ALMS1: variants seen among roughly 807,000 people sequenced by gnomAD.
The protein encoded by ALMS1 is ALMS1 centrosome and basal body associated protein, also known as centrosome-associated protein ALMS1.
Under a neutral mutation model 352.2 loss-of-function variants are expected in ALMS1, and 271 were observed. The observed-to-expected ratio is 0.77, with a 90% CI of 0.70 to 0.85. The LOEUF (loss-of-function observed/expected upper bound fraction) is 0.85, where lower values mean the gene tolerates loss of function less well. Among genes scored for constraint, ALMS1 ranks in the 40% least tolerant of loss-of-function variants. The pLI is 0.00. For missense variants in ALMS1, 5,445 were observed against 4,870.7 expected (o/e 1.12, Z -3.51); for synonymous variants, 1,865 against 1,761.2 (o/e 1.06, Z -1.48).
chr2:73,400,689 C>T (rs944770654), intron 1 of ALMS1, among the ~76,000 whole-genome samples: 1 of 152,114 alleles, frequency 6.6e-6, no homozygotes, highest in African/African-American at 2.4e-5. Context: ...AGAAATCGTT[C>T]ATTTTATCTA....
rs575367922 is a variant in ALMS1 at position 73,536,349 on chromosome 2, A to C, written c.9907+1400A>C. ...GAGAGATTAACTTAGAGAAAGACTG[A>C]ACAGTGTAGGTGATGGGAGAAGAAA... On this transcript the variant is annotated intron_variant, in intron 12 of 22. Coordinates refer to ENST00000613296, the MANE Select transcript of ALMS1 (RefSeq NM_001378454.1). 8.5e-5 allele frequency among the ~76,000 whole-genome samples: 13 copies of C among 152,300 alleles called. No individual in the cohort carries two copies. The South Asian group carries it at 2.5e-3, about 29-fold the overall frequency.
At chr2:73,607,602 C>G (rs1412333959) in intron 21 of ALMS1, among the ~76,000 whole-genome samples, 3 of 151,954 alleles carry the variant, frequency 2.0e-5, no homozygotes, top group African/African-American at 7.2e-5. Context: ...GTCCTTCTCC[C>G]CATTCCCTTT....
intron 9 of ALMS1, chr2:73,470,599 A>C (rs1046706351): frequency 1.3e-5 from 2 of 151,736 alleles, no homozygotes; most frequent in Non-Finnish European, 2.9e-5. Flanking sequence ...TATGTGATCT[A>C]TCCTGGAGAA....
At position 73,581,988 on chromosome 2, in the gene ALMS1, C is replaced by T. The variant is rs111604471; in HGVS notation, c.11547+8564C>T. On this transcript the variant is annotated intron_variant, in intron 16 of 22. Transcript: ENST00000613296. ...TGATCTCCTGACCTCGTGATCTGTC[C>T]GCCTTGGCCTCCCAAAATGCTGGGA... 2.6e-3 allele frequency among the ~76,000 whole-genome samples: 393 copies of T among 152,192 alleles called. 2 individuals carry two copies. The highest frequency in any genetic ancestry group is 9.0e-3 in the African/African-American group (375 of 41,532).
intron 10 of ALMS1, among the ~76,000 whole-genome samples, 155 bp from the exon 11 acceptor site, chr2:73,519,620 T>C (rs917350907): frequency 6.6e-6 from 1 of 152,222 alleles, no homozygotes; most frequent in Non-Finnish European, 1.5e-5. Context: ...TAAAGGGTAC[T>C]GCTGAAATTT....
intron 16 of ALMS1, among the ~76,000 whole-genome samples, chr2:73,599,061 C>T (rs1298879477): frequency 6.6e-6 from 1 of 152,194 alleles, no homozygotes. Flanking sequence ...CTCTTTATCT[C>T]ACATGAAAAT....
At chr2:73,552,394 C>CCAT (rs1674458032) in intron 13 of ALMS1, among the ~76,000 whole-genome samples, 1 of 152,180 alleles carries the variant, frequency 6.6e-6, no homozygotes, top group South Asian at 2.1e-4. Flanking sequence ...TTTCCACTAT[C>CCAT]CATATGCTAG....
At chr2:73,447,587 C>G (rs1558647215) in intron 7 of ALMS1, among the ~76,000 whole-genome samples, 1 of 152,048 alleles carries the variant, frequency 6.6e-6, no homozygotes, top group Non-Finnish European at 1.5e-5. Flanking sequence ...GACTGAAGAC[C>G]TTATGTCTTC....
intron 16 of ALMS1, among the ~76,000 whole-genome samples, chr2:73,591,661 C>T (rs1031932830): frequency 4.6e-5 from 7 of 152,054 alleles, no homozygotes; most frequent in African/African-American, 1.7e-4. Flanking sequence ...ATGGATCTGA[C>T]CCCATGAGGA....
chr2:73,409,253 G>A (rs1483450028), intron 2 of ALMS1, among the ~76,000 whole-genome samples: 1 of 151,998 alleles, frequency 6.6e-6, no homozygotes, highest in East Asian at 1.9e-4. Context: ...TTGAAGGCGG[G>A]TCTCAGGACT....
chr2:73,576,015 C>G (rs769272844), intron 16 of ALMS1, among the ~76,000 whole-genome samples: 1 of 152,092 alleles, frequency 6.6e-6, no homozygotes, highest in Non-Finnish European at 1.5e-5. Flanking sequence ...AGATAAGGGT[C>G]CACCTTCATT....
chr2:73,551,711 C>CA (rs1674438689), intron 13 of ALMS1, among the ~76,000 whole-genome samples: 1 of 152,108 alleles, frequency 6.6e-6, no homozygotes, highest in Non-Finnish European at 1.5e-5. Flanking sequence ...GCTGGGATTA[C>CA]AGGCATGAGC....
intron 1 of ALMS1, among the ~76,000 whole-genome samples, chr2:73,387,408 C>T (rs768563847): frequency 2.2e-4 from 34 of 152,156 alleles, no homozygotes; most frequent in Non-Finnish European, 3.2e-4. Flanking sequence ...GTAAGATAAT[C>T]TGGCCTTGTC....
Position 73,490,449 on chromosome 2 carries a change from T to C in ALMS1, c.8490T>C (p.Cys2830=), listed in dbSNP as rs745337805. Residue 2830 remains cysteine, a synonymous_variant, in exon 10 of 23, where the codon TGT becomes TGC. Transcript: ENST00000613296. ...SHSEPSTRAN[C]SNFKEIQISD... is the part of the protein sequence containing the mutation. ...CTGAGCCCAGTACCAGGGCAAATTG[T>C]AGCAATTTCAAGGAAATTCAGATTT... 6.2e-7 allele frequency: 1 copy of C among 1,614,168 alleles called. No individual in the cohort carries two copies. The highest frequency in any genetic ancestry group is 1.1e-5 in the South Asian group (1 of 91,076).
At chr2:73,543,014 C>T (rs541481104) in intron 12 of ALMS1, among the ~76,000 whole-genome samples, 1 of 152,240 alleles carries the variant, frequency 6.6e-6, no homozygotes, top group African/African-American at 2.4e-5. Context: ...GAAAAAACGA[C>T]TTTTAAAGTT....
intron 3 of ALMS1, among the ~76,000 whole-genome samples, chr2:73,419,546 A>C (rs1207270896): frequency 6.6e-6 from 1 of 152,182 alleles, no homozygotes; most frequent in Non-Finnish European, 1.5e-5. Context: ...CGTTGCTCAC[A>C]GAAGGCAGAA....
intron 11 of ALMS1, among the ~76,000 whole-genome samples, chr2:73,530,820 C>T (rs1307437831): frequency 6.6e-6 from 1 of 152,246 alleles, no homozygotes; most frequent in Non-Finnish European, 1.5e-5. Context: ...GTAGGCCCAA[C>T]ACCACGTGAA....
chr2:73,451,187 C>T lies in ALMS1; in HGVS notation c.4660C>T (p.Pro1554Ser). Reference protein sequence around the residue: ...PEEALRVSSAPGPADQTTGIP... With the variant: ...PEEALRVSSASGPADQTTGIP... The stretch of plus-strand genomic sequence containing the variant: ...AGAGGCTCTCAGAGTTTCTTCTGCT[C>T]CTGGACCAGCTGACCAGACAACTGG... The change falls in exon 8 of 23, where the codon CCT becomes TCT. Residue 1554 changes from proline (P) to serine (S), a missense_variant. Coordinates refer to ENST00000613296, the MANE Select transcript of ALMS1 (RefSeq NM_001378454.1). 6.2e-7 allele frequency: 1 copy of T among 1,613,990 alleles called. No individual in the cohort carries two copies. The highest frequency in any genetic ancestry group is 8.5e-7 in the Non-Finnish European group (1 of 1,179,978).
chr2:73,602,098 G>A lies in ALMS1; in HGVS notation c.12115-87G>A, dbSNP rs895792442. ...TGAATCAGACTTCCCCAAACCTCTT[G>A]GGCAGGTGGTGTGTCTCCAGGCATA... is the stretch of plus-strand genomic sequence containing the variant. On this transcript the variant is annotated intron_variant, in intron 19 of 22. Transcript: ENST00000613296. 3.7e-6 allele frequency: 5 copies of A among 1,356,726 alleles called. No homozygotes were observed. The African/African-American group carries it at 5.8e-5, about 16-fold the overall frequency. 84.0% of individuals were successfully genotyped at this position (1,356,726 alleles called of 1,614,324 possible). A position where few individuals can be genotyped will look rare whatever the true frequency, so the allele number is the denominator to read the frequency against.
Sources: allele counts gnomAD v4.1 joint callset (sites outside exome capture counted in the v4.1 genomes callset), GRCh38; gene constraint gnomAD v4.1.1; transcripts MANE v1.5; gene names NCBI Gene and HGNC (gene_info 2026-07-23, HGNC 2026-07-21).